The following FRMPD2 variants were observed in gnomAD, a reference collection of about 807,000 sequenced individuals.
FRMPD2 encodes FERM and PDZ domain-containing protein 2.
In FRMPD2, 96 loss-of-function variants were observed where a neutral mutation model predicts 140.1. That is an observed-to-expected ratio of 0.69 (90% CI 0.58 to 0.81). FRMPD2 has a LOEUF of 0.81. Among genes scored for constraint, FRMPD2 ranks in the 40% least tolerant of loss-of-function variants. The probability of loss-of-function intolerance (pLI) is 0.00; values close to 1 mark genes in which losing one functional copy is unlikely to be tolerated. For missense variants in FRMPD2, 1,240 were observed against 1,447.4 expected, an observed-to-expected ratio of 0.86 and a Z score of 2.32; for synonymous variants, 449 against 547.6, an observed-to-expected ratio of 0.82 and a Z score of 2.52.
chr10:48,218,928 C>T (rs933770000), intron 12 of FRMPD2, among the ~76,000 whole-genome samples: 2 of 152,212 alleles, frequency 1.3e-5, no homozygotes, highest in Non-Finnish European at 2.9e-5. Context: ...TTTATTCAAG[C>T]CAGCCTGAGC....
intron 1 of FRMPD2, among the ~76,000 whole-genome samples, chr10:48,255,096 C>G (rs749220405): frequency 6.6e-6 from 1 of 152,066 alleles, no homozygotes; most frequent in Non-Finnish European, 1.5e-5. Context: ...TTTGGGGGGG[C>G]CCCTCCACTA....
intron 15 of FRMPD2, among the ~76,000 whole-genome samples, chr10:48,195,405 C>G (rs999383299): frequency 2.0e-5 from 3 of 152,174 alleles, no homozygotes; most frequent in Non-Finnish European, 4.4e-5. Context: ...CTAAGAAGCA[C>G]TTGGAAAGTG....
At chr10:48,246,772 C>T (rs1343357599) in intron 3 of FRMPD2, among the ~76,000 whole-genome samples, 1 of 152,184 alleles carries the variant, frequency 6.6e-6, no homozygotes, top group East Asian at 1.9e-4. Flanking sequence ...CTCCTAGCTG[C>T]CCAACCAACC....
chr10:48,249,297 C>T, intron 2 of FRMPD2, 119 bp from the exon 3 acceptor site: 1 of 864,848 alleles, frequency 1.2e-6, no homozygotes, highest in South Asian at 1.8e-5. Context: ...GTGAGCAAGA[C>T]CCAGAGGAGA....
chr10:48,248,876 G>A lies in FRMPD2; in HGVS notation c.309+145C>T, dbSNP rs559395401. The A allele has an allele frequency of 3.8e-4, 219 of 574,682 alleles. 1 individual carries two copies. The highest frequency in any genetic ancestry group is 2.5e-4 in the Non-Finnish European group (87 of 348,260). 35.6% of individuals were successfully genotyped at this position (574,682 alleles called of 1,614,324 possible). A position where few individuals can be genotyped will look rare whatever the true frequency, so the allele number is the denominator to read the frequency against. The stretch of plus-strand genomic sequence containing the variant: ...AGTAAGTTGTTGACAAGAAATCCTG[G>A]GAATAAAACTCTTGAAACCCACTCT... On this transcript the variant is annotated intron_variant, in intron 3 of 28. Transcript: ENST00000374201.
At chr10:48,228,399 T>C (rs951813685) in intron 10 of FRMPD2, among the ~76,000 whole-genome samples, 1 of 151,854 alleles carries the variant, frequency 6.6e-6, no homozygotes, top group African/African-American at 2.4e-5. Context: ...AAATGATGAA[T>C]ATTCATTTAA....
intron 2 of FRMPD2, among the ~76,000 whole-genome samples, chr10:48,250,345 T>C (rs1040112347): frequency 2.0e-5 from 3 of 152,222 alleles, no homozygotes; most frequent in Admixed American, 6.5e-5. Flanking sequence ...CTTCAAAGTT[T>C]ATCCCTCACT....
intron 10 of FRMPD2, among the ~76,000 whole-genome samples, chr10:48,230,647 T>C (rs1839829020): frequency 6.6e-6 from 1 of 152,242 alleles, no homozygotes; most frequent in African/African-American, 2.4e-5. Flanking sequence ...AAAGAAATTA[T>C]GCTTCTAAAG....
At chr10:48,194,347 A>G (rs1838905405) in intron 15 of FRMPD2, among the ~76,000 whole-genome samples, 1 of 152,184 alleles carries the variant, frequency 6.6e-6, no homozygotes, top group African/African-American at 2.4e-5. Flanking sequence ...TCCACGCTGG[A>G]AAATGGGGAT....
At chr10:48,172,835 T>G (rs1407005661) in intron 25 of FRMPD2, 111 bp downstream of exon 25, 1 of 848,178 alleles carries the variant, frequency 1.2e-6, no homozygotes, top group African/African-American at 1.6e-5. Flanking sequence ...ATGGCTCGCT[T>G]TCTTTTCAGG....
intron 14 of FRMPD2, among the ~76,000 whole-genome samples, chr10:48,204,294 A>G (rs1839153762): frequency 6.6e-6 from 1 of 152,140 alleles, no homozygotes. Context: ...AACACATGAC[A>G]CGTTTTTTTT....
chr10:48,273,205 G>C (rs1840798753), intron 1 of FRMPD2, among the ~76,000 whole-genome samples: 1 of 151,946 alleles, frequency 6.6e-6, no homozygotes, highest in Admixed American at 6.6e-5. Context: ...GTTTTCTTAG[G>C]TTAGGCCATC....
intron 16 of FRMPD2, among the ~76,000 whole-genome samples, chr10:48,187,793 T>C (rs1009768250): frequency 5.3e-5 from 8 of 152,202 alleles, no homozygotes; most frequent in African/African-American, 1.9e-4. Flanking sequence ...GCTCGAGAGC[T>C]GCACAGGGTC....
intron 13 of FRMPD2, among the ~76,000 whole-genome samples, chr10:48,208,653 T>C (rs1839252519): frequency 2.6e-5 from 4 of 152,354 alleles, no homozygotes; most frequent in African/African-American, 7.2e-5. Flanking sequence ...ACATCTTCAA[T>C]CTGTAAAACA....
chr10:48,162,684 G>A (rs1171261387), intron 28 of FRMPD2, among the ~76,000 whole-genome samples: 3 of 146,446 alleles, frequency 2.0e-5, no homozygotes, highest in African/African-American at 7.8e-5. Context: ...ACTGAGAATC[G>A]GAAATACTTA....
At chr10:48,164,483 T>C (rs1588798362) in intron 27 of FRMPD2, among the ~76,000 whole-genome samples, 1 of 149,076 alleles carries the variant, frequency 6.7e-6, no homozygotes, top group East Asian at 2.0e-4. Context: ...CCCCATGATC[T>C]CCATACCTGA....
chr10:48,245,818 T>G (rs1357590662), intron 3 of FRMPD2, among the ~76,000 whole-genome samples: 1 of 152,206 alleles, frequency 6.6e-6, no homozygotes, highest in Non-Finnish European at 1.5e-5. Flanking sequence ...TTAAGATCTC[T>G]CTTCTCAGGA....
chr10:48,236,428 C>A (rs1839968755), intron 9 of FRMPD2, 54 bp downstream of exon 9: 2 of 1,518,758 alleles, frequency 1.3e-6, no homozygotes, highest in Admixed American at 3.3e-5. Context: ...CCTCCCGCAA[C>A]TGCCCACTTC....
intron 1 of FRMPD2, among the ~76,000 whole-genome samples, chr10:48,272,824 C>A (rs1001435452): frequency 6.6e-6 from 1 of 152,228 alleles, no homozygotes; most frequent in Non-Finnish European, 1.5e-5. Context: ...AGCAGTCACT[C>A]ATGTCATTGA....
Sources: allele counts gnomAD v4.1 joint callset (sites outside exome capture counted in the v4.1 genomes callset), GRCh38; gene constraint gnomAD v4.1.1; transcripts MANE v1.5; gene names NCBI Gene and HGNC (gene_info 2026-07-23, HGNC 2026-07-21).